Variants in NKAIN3 observed in about 807,000 individuals in gnomAD.
NKAIN3 encodes the protein sodium/potassium transporting ATPase interacting 3.
In NKAIN3, 25 loss-of-function variants were observed where a neutral mutation model predicts 30.2. The observed-to-expected ratio is 0.83, with a 90% CI of 0.60 to 1.16. The LOEUF (loss-of-function observed/expected upper bound fraction) is 1.16, where lower values mean the gene tolerates loss of function less well. NKAIN3 is among the 50% of genes most tolerant of loss of function. NKAIN3 has a pLI of 0.00. For synonymous variants in NKAIN3, 91 were observed against 89.6 expected (o/e 1.02, Z -0.09); for missense variants, 225 against 254.1 (o/e 0.89, Z 0.78).
intron 4 of NKAIN3, among the ~76,000 whole-genome samples, chr8:62,784,824 T>C (rs763216777): frequency 6.6e-6 from 1 of 152,132 alleles, no homozygotes; most frequent in Non-Finnish European, 1.5e-5. Flanking sequence ...AACATAGATA[T>C]ATGAATCTTT....
chr8:62,908,667 C>A (rs1471317761), intron 4 of NKAIN3, among the ~76,000 whole-genome samples: 1 of 152,168 alleles, frequency 6.6e-6, no homozygotes, highest in Non-Finnish European at 1.5e-5. Flanking sequence ...TGCCTCCCAC[C>A]ATGTAAGACA....
intron 1 of NKAIN3, among the ~76,000 whole-genome samples, chr8:62,544,722 A>C: frequency 9.1e-6 from 1 of 110,254 alleles, no homozygotes; most frequent in East Asian, 2.4e-4. Context: ...TATAAAGTAC[A>C]AACAATCCTT....
At chr8:62,777,901 A>T (rs1178927971) in intron 4 of NKAIN3, among the ~76,000 whole-genome samples, 1 of 152,130 alleles carries the variant, frequency 6.6e-6, no homozygotes, top group East Asian at 1.9e-4. Flanking sequence ...TGGCTTCTGC[A>T]GCTGTGTCAG....
At position 62,681,070 on chromosome 8, in the gene NKAIN3, T is replaced by C. The variant is rs116724649; in HGVS notation, c.274-65862T>C. 4.1e-3 allele frequency among the ~76,000 whole-genome samples: 626 copies of C among 152,310 alleles called. 5 individuals carry two copies. Among genetic ancestry groups the C allele is most frequent in the African/African-American group, 0.011 (474 of 41,574 alleles). Reference sequence around the variant, plus strand: ...CAATTCTGGTGACTATTTAGCCCCTTGATGTTGAATCATGCCATACCACAC... The same window carrying C: ...CAATTCTGGTGACTATTTAGCCCCTCGATGTTGAATCATGCCATACCACAC... On this transcript the variant is annotated intron_variant, in intron 3 of 6. Transcript: ENST00000623646.
chr8:62,359,797 TTGTATTGTCTTAAGGGAGGC>T (rs1040670721), intron 1 of NKAIN3, among the ~76,000 whole-genome samples: 1 of 152,246 alleles, frequency 6.6e-6, no homozygotes, highest in Admixed American at 6.5e-5. Context: ...TGCCACTGCC[TTGTATTGTCTTAAGGGAGGC>T]AATGGGAAAC....
In NKAIN3 at chr8:62,975,377, C is replaced by T. The variant is rs774198754; in HGVS notation, c.*9970C>T. ...GTCTATTCAGGGATTCAACTTCTTC[C>T]TGGGTTAGTCATGGTAGGGTGAATG... On this transcript the variant is annotated 3_prime_UTR_variant, in exon 7 of 7. Transcript: ENST00000623646. Among the ~76,000 whole-genome samples the T allele has an allele frequency of 3.0e-4, 46 of 152,034 alleles. No homozygotes were observed. Among genetic ancestry groups the T allele is most frequent in the Non-Finnish European group, 3.4e-4 (23 of 68,012 alleles).
rs978975338 is a variant in NKAIN3, at chr8:62,638,817, C to T, written c.273+49023C>T. ...AGTCACCAGTATTCTGTAAGTGCAGCGGTAGATAGGTCTTGTAATCCCAAA... is the reference window on the plus strand; with the variant it reads ...AGTCACCAGTATTCTGTAAGTGCAGTGGTAGATAGGTCTTGTAATCCCAAA... On this transcript the variant is annotated intron_variant, in intron 3 of 6. Coordinates refer to ENST00000623646, the MANE Select transcript of NKAIN3 (RefSeq NM_001304533.3). Among the ~76,000 whole-genome samples, 3 of 152,106 alleles carry T rather than the reference C, an allele frequency of 2.0e-5. 1 individual carries two copies. The South Asian group carries it at 6.2e-4, about 32-fold the overall frequency.
At chr8:62,339,820 G>A (rs150009574) in intron 1 of NKAIN3, among the ~76,000 whole-genome samples, 1 of 152,090 alleles carries the variant, frequency 6.6e-6, no homozygotes, top group Non-Finnish European at 1.5e-5. Flanking sequence ...TGTAAGAACG[G>A]TGGGCTGATT....
intron 4 of NKAIN3, among the ~76,000 whole-genome samples, chr8:62,877,436 C>A (rs1820834167): frequency 6.6e-6 from 1 of 152,162 alleles, no homozygotes; most frequent in Admixed American, 6.6e-5. Context: ...GGATCTGAGT[C>A]CTTGACTGCA....
chr8:62,821,604 C>T (rs190747837), intron 4 of NKAIN3, among the ~76,000 whole-genome samples: 1,934 of 152,094 alleles, frequency 0.013, 34 homozygotes, highest in African/African-American at 0.042. Context: ...TAAAAGTGTT[C>T]ATCAATTTCT....
chr8:62,519,637 A>T (rs1011688770), intron 1 of NKAIN3, among the ~76,000 whole-genome samples: 1 of 152,172 alleles, frequency 6.6e-6, no homozygotes, highest in Non-Finnish European at 1.5e-5. Context: ...CTGCATGATC[A>T]TTCTGCATGA....
At chr8:62,495,984 T>A (rs898135831) in intron 1 of NKAIN3, among the ~76,000 whole-genome samples, 2 of 152,136 alleles carry the variant, frequency 1.3e-5, no homozygotes, top group Non-Finnish European at 2.9e-5. Context: ...CCCACTGAAT[T>A]GGTCTAAGCA....
intron 3 of NKAIN3, among the ~76,000 whole-genome samples, chr8:62,741,250 T>G (rs2130569550): frequency 6.6e-6 from 1 of 152,028 alleles, no homozygotes; most frequent in South Asian, 2.1e-4. Context: ...AACACTGCAC[T>G]CCAATATATG....
intron 4 of NKAIN3, among the ~76,000 whole-genome samples, chr8:62,806,834 AT>A (rs1301817736): frequency 2.6e-4 from 39 of 151,744 alleles, no homozygotes; most frequent in Admixed American, 5.3e-4. Context: ...ATATAAAAAA[AT>A]AAAATAAAAT....
At chr8:62,361,359 T>C (rs904989850) in intron 1 of NKAIN3, among the ~76,000 whole-genome samples, 2 of 152,250 alleles carry the variant, frequency 1.3e-5, no homozygotes, top group Non-Finnish European at 2.9e-5. Context: ...TATTTAGTTG[T>C]TTACTTCTTT....
intron 1 of NKAIN3, among the ~76,000 whole-genome samples, chr8:62,555,631 A>G (rs1809363532): frequency 6.6e-6 from 1 of 152,076 alleles, no homozygotes. Context: ...GGAAAAAAAG[A>G]CAGAGATATA....
rs553876625 is a variant in NKAIN3, at chr8:62,780,018, G to T, written c.471+32889G>T. ...CAAAAGATCATTGAAACAAAAAGTT[G>T]GTTCCTAGAAAAGATAAACAAAATT... On this transcript the variant is annotated intron_variant, in intron 4 of 6. Transcript: ENST00000623646. Among the ~76,000 whole-genome samples, 3 of 152,038 alleles carry T rather than the reference G, an allele frequency of 2.0e-5. No homozygotes were observed. In the East Asian group the frequency reaches 5.8e-4, roughly 29 times the overall value.
At chr8:62,932,246 G>A (rs1431458044) in intron 5 of NKAIN3, among the ~76,000 whole-genome samples, 2 of 152,196 alleles carry the variant, frequency 1.3e-5, no homozygotes, top group East Asian at 1.9e-4. Context: ...ATTATTGGGA[G>A]ACTTCTGTGA....
intron 4 of NKAIN3, among the ~76,000 whole-genome samples, chr8:62,835,530 G>A (rs1819332712): frequency 6.6e-6 from 1 of 152,008 alleles, no homozygotes; most frequent in Non-Finnish European, 1.5e-5. Flanking sequence ...AGTGGGCAAA[G>A]GATTTGAACA....
Sources: gnomAD v4.1 joint callset for allele counts (sites outside exome capture counted in the v4.1 genomes callset) on GRCh38, gnomAD v4.1.1 for gene constraint, MANE v1.5 for transcripts, NCBI Gene and HGNC (gene_info 2026-07-23, HGNC 2026-07-21) for gene names.